Variants in MYLK3 observed in about 807,000 individuals in gnomAD.
MYLK3 encodes myosin light chain kinase 3.
A neutral mutation model predicts 76.3 loss-of-function variants in MYLK3; 55 were observed. The ratio of observed to expected loss-of-function variants is 0.72; its 90% CI spans 0.58 to 0.90. The LOEUF is 0.90. Among genes scored for constraint, MYLK3 ranks in the 40% least tolerant of loss-of-function variants. The pLI is 0.00. For synonymous variants in MYLK3, 416 were observed against 425.4 expected, an observed-to-expected ratio of 0.98 and a Z score of 0.27; for missense variants, 973 against 1,053.6, an observed-to-expected ratio of 0.92 and a Z score of 1.06.
intron 1 of MYLK3, chr16:46,757,502 T>A (rs761848173): frequency 5.1e-6 from 5 of 985,186 alleles, no homozygotes; most frequent in Non-Finnish European, 6.0e-6. Flanking sequence ...GGGCACAGAG[T>A]CCCCATCCAT....
At position 46,748,073 on chromosome 16, in the gene MYLK3, G is replaced by A; in HGVS notation, c.121C>T (p.His41Tyr). The A allele has an allele frequency of 6.2e-7, 1 of 1,614,246 alleles. No homozygotes were observed. The highest frequency in any genetic ancestry group is 8.5e-7 in the Non-Finnish European group (1 of 1,180,048). The change falls in exon 1 of 13, where the codon CAC (histidine) becomes TAC (tyrosine). Residue 41 changes from histidine to tyrosine, a missense_variant. By Grantham distance (83) the His-to-Tyr change is moderately conservative. Transcript: ENST00000394809. The surrounding 1 kb of genome is among the most constrained non-coding windows in gnomAD (Gnocchi z 4.3). ...MLNEKVDQLL[H>Y]FQEDVTEKLQ... The stretch of plus-strand genomic sequence containing the variant: ...TTCTCTGTGACATCTTCTTGGAAGT[G>A]CAGGAGCTGGTCCACCTTCTCGTTC...
At chr16:46,726,637 T>A (rs1337327955) in intron 8 of MYLK3, 93 of 65,114 alleles carry the variant, frequency 1.4e-3, no homozygotes, top group African/African-American at 1.9e-3. Context: ...AAAAAGAAAG[T>A]GAGAGAAAGA....
intron 1 of MYLK3, among the ~76,000 whole-genome samples, chr16:46,745,772 T>G (rs1294845607): frequency 3.3e-5 from 5 of 152,022 alleles, no homozygotes; most frequent in Non-Finnish European, 7.4e-5. Context: ...AAAGCAGTTC[T>G]GGTGCTACAG....
upstream of MYLK3, among the ~76,000 whole-genome samples, chr16:46,749,940 T>G (rs535949133): frequency 3.3e-5 from 5 of 152,148 alleles, no homozygotes; most frequent in Non-Finnish European, 7.4e-5. Context: ...ATTGGTGGAA[T>G]GACCCAGAAC....
intron 9 of MYLK3, among the ~76,000 whole-genome samples, chr16:46,718,296 C>G (rs1966765434): frequency 1.3e-5 from 2 of 152,202 alleles, no homozygotes; most frequent in African/African-American, 4.8e-5. Flanking sequence ...AGGGAAAATA[C>G]TAAGCAATTT....
chr16:46,715,947 A>G (rs408906), intron 9 of MYLK3, among the ~76,000 whole-genome samples: 150,075 of 152,328 alleles, frequency 0.99, 73,953 homozygotes, highest in East Asian at 1. Flanking sequence ...ACTGTGCCCA[A>G]GAAGCAGGCC....
intron 3 of MYLK3, among the ~76,000 whole-genome samples, chr16:46,736,798 A>T (rs1231468582): frequency 6.6e-5 from 10 of 152,172 alleles, no homozygotes; most frequent in African/African-American, 2.4e-4. Flanking sequence ...ATGCTAGGAA[A>T]CACCAGGTCC....
At chr16:46,746,868 C>T (rs1967034466) in intron 1 of MYLK3, among the ~76,000 whole-genome samples, 1 of 152,146 alleles carries the variant, frequency 6.6e-6, no homozygotes, top group Admixed American at 6.5e-5. Flanking sequence ...GAAGGGGCAG[C>T]AGGGGAGCTC....
intron 1 of MYLK3, among the ~76,000 whole-genome samples, chr16:46,754,104 G>A (rs1294105175): frequency 6.6e-6 from 1 of 152,094 alleles, no homozygotes; most frequent in Non-Finnish European, 1.5e-5. Context: ...CTAAGATAAT[G>A]TCCCAGAAAA....
chr16:46,752,039 G>A (rs1211043031), upstream of MYLK3, among the ~76,000 whole-genome samples: 1 of 152,134 alleles, frequency 6.6e-6, no homozygotes, highest in Non-Finnish European at 1.5e-5. Context: ...TGACAGAGCA[G>A]CAAATACAAT....
At chr16:46,737,356 T>C (rs1596765903) in intron 3 of MYLK3, among the ~76,000 whole-genome samples, 2 of 152,154 alleles carry the variant, frequency 1.3e-5, no homozygotes, top group East Asian at 3.9e-4. Flanking sequence ...AGCCCCATCT[T>C]TTAGCTACTG....
At chr16:46,740,812 A>G (rs1427385907) in intron 1 of MYLK3, among the ~76,000 whole-genome samples, 2 of 152,068 alleles carry the variant, frequency 1.3e-5, no homozygotes, top group African/African-American at 4.8e-5. Context: ...TCAGCCTCCC[A>G]AAGTGCTGGG....
intron 3 of MYLK3, among the ~76,000 whole-genome samples, chr16:46,737,497 C>G (rs1208266567): frequency 1.3e-5 from 2 of 152,258 alleles, no homozygotes; most frequent in Non-Finnish European, 2.9e-5. Flanking sequence ...CTCCAGGCAT[C>G]TTTATTTTCC....
In MYLK3 at chr16:46,747,766, T is replaced by A; in HGVS notation, c.428A>T (p.Gln143Leu). 6.2e-7 allele frequency: 1 copy of A among 1,614,166 alleles called. No homozygotes were observed. The highest frequency in any genetic ancestry group is 1.1e-5 in the South Asian group (1 of 91,090). The change falls in exon 1 of 13, where the codon CAG (glutamine) becomes CTG (leucine). Residue 143 changes from glutamine (Q) to leucine (L), a missense_variant. Gln to Leu is a moderately radical substitution (Grantham distance 113, BLOSUM62 -2). Around this residue, in one of 2 missense-constraint regions of MYLK3, gnomAD observed 641 missense variants for 637.0 expected, o/e 1.01. Transcript: ENST00000394809. ...QKSKVADFLM[Q>L]GRVPWRRGSP... ...GCCTCTCCTCCAGGGCACACGCCCC[T>A]GCATGAGGAAATCCGCCACCTTTGA...
At chr16:46,714,292 TA>T (rs1966714973) in intron 9 of MYLK3, among the ~76,000 whole-genome samples, 1 of 152,132 alleles carries the variant, frequency 6.6e-6, no homozygotes, top group Non-Finnish European at 1.5e-5. Flanking sequence ...CAATTGAGAA[TA>T]ACAATAATAA....
chr16:46,715,579 T>G (rs1966728338), intron 9 of MYLK3, among the ~76,000 whole-genome samples: 1 of 152,150 alleles, frequency 6.6e-6, no homozygotes, highest in African/African-American at 2.4e-5. Flanking sequence ...GTGCTCTGAC[T>G]CTAGTCTGAG....
chr16:46,729,456 C>T, intron 6 of MYLK3, 138 bp downstream of exon 6: 1 of 801,930 alleles, frequency 1.2e-6, no homozygotes, highest in East Asian at 2.6e-5. Flanking sequence ...AGGGGACTGC[C>T]TGACTGGAGG....
upstream of MYLK3, among the ~76,000 whole-genome samples, chr16:46,752,408 A>T (rs1342272379): frequency 2.0e-5 from 3 of 151,880 alleles, no homozygotes; most frequent in Non-Finnish European, 4.4e-5. Flanking sequence ...CTAATTTTTA[A>T]TTTTTTTAAA....
At chr16:46,722,936 T>C (rs1190702468) in intron 8 of MYLK3, among the ~76,000 whole-genome samples, 1 of 152,226 alleles carries the variant, frequency 6.6e-6, no homozygotes, top group Non-Finnish European at 1.5e-5. Context: ...GGTCTCAAAC[T>C]CCCGACCTCA....
Sources: gnomAD v4.1 joint callset for allele counts (sites outside exome capture counted in the v4.1 genomes callset) on GRCh38, gnomAD v4.1.1 for gene constraint, gnomAD v4.1.1 regional missense constraint, Gnocchi (gnomAD v3.1) non-coding constraint, MANE v1.5 for transcripts, NCBI Gene and HGNC (gene_info 2026-07-23, HGNC 2026-07-21) for gene names.